The following CAMTA1 variants were observed in gnomAD, a reference collection of about 807,000 sequenced individuals.
CAMTA1 encodes calmodulin-binding transcription activator 1.
In CAMTA1, 27 loss-of-function variants were observed where a neutral mutation model predicts 170.9. The ratio of observed to expected loss-of-function variants is 0.16; its 90% CI spans 0.12 to 0.22. The LOEUF (loss-of-function observed/expected upper bound fraction) is 0.22. CAMTA1 is among the 10% of genes least tolerant of loss of function. CAMTA1 has a pLI of 1.00. For synonymous variants in CAMTA1, 833 were observed against 891.5 expected, an observed-to-expected ratio of 0.93 and a Z score of 1.17; for missense variants, 1,619 against 2,217.2, an observed-to-expected ratio of 0.73 and a Z score of 5.42.
intron 1 of CAMTA1, among the ~76,000 whole-genome samples, chr1:6,790,280 G>C (rs1433354305): frequency 6.6e-6 from 1 of 151,928 alleles, no homozygotes; most frequent in African/African-American, 2.4e-5. Flanking sequence ...CTCAGCAGGA[G>C]TGGGGGTGGT....
At chr1:7,045,507 C>T (rs938170797) in intron 3 of CAMTA1, among the ~76,000 whole-genome samples, 2 of 152,232 alleles carry the variant, frequency 1.3e-5, no homozygotes, top group Non-Finnish European at 2.9e-5. Flanking sequence ...CAACCTCAAA[C>T]TCTTTAAACT....
At position 6,921,135 on chromosome 1, in the gene CAMTA1, C is replaced by T. The variant is rs1203104457; in HGVS notation, c.234+95925C>T. On this transcript the variant is annotated intron_variant, in intron 3 of 22. Coordinates refer to ENST00000303635, the MANE Select transcript of CAMTA1 (RefSeq NM_015215.4). ...TTGAAACTGAATGCCTTTAGCAGCA[C>T]CCAAGTCACATCTTGAATGTTTTAC... Among the ~76,000 whole-genome samples the T allele has an allele frequency of 2.0e-5, 3 of 152,220 alleles. No homozygotes were observed. The East Asian group carries it at 5.8e-4, about 29-fold the overall frequency.
At chr1:6,858,597 T>C (rs925129602) in intron 3 of CAMTA1, among the ~76,000 whole-genome samples, 4 of 152,140 alleles carry the variant, frequency 2.6e-5, no homozygotes, top group African/African-American at 9.7e-5. Flanking sequence ...GCTACTCTTT[T>C]GATCAGTTAA....
intron 6 of CAMTA1, among the ~76,000 whole-genome samples, chr1:7,475,882 G>C (rs2093412629): frequency 6.6e-6 from 1 of 152,248 alleles, no homozygotes; most frequent in Admixed American, 6.5e-5. Context: ...CCTGTCCTGG[G>C]GGAGCCCACA....
intron 3 of CAMTA1, among the ~76,000 whole-genome samples, chr1:6,857,886 G>A (rs1215640589): frequency 6.6e-6 from 1 of 152,198 alleles, no homozygotes; most frequent in African/African-American, 2.4e-5. Flanking sequence ...ACGGCCAGAA[G>A]GATGTAATTT....
At position 6,907,571 on chromosome 1, in the gene CAMTA1, C is replaced by T. The variant is rs1348378403; in HGVS notation, c.234+82361C>T. 2.0e-5 allele frequency among the ~76,000 whole-genome samples: 3 copies of T among 152,152 alleles called. No homozygotes were observed. In the South Asian group the frequency reaches 6.2e-4, roughly 32 times the overall value. On this transcript the variant is annotated intron_variant, in intron 3 of 22. Transcript: ENST00000303635. ...GACCTTCAGTGAGCCAGGCACCGTT[C>T]GGGGCTTCATGGGACTCCTGCTGAA...
rs1049682055 is a variant in CAMTA1 at position 6,986,456 on chromosome 1, A to G, written c.235-104848A>G. On this transcript the variant is annotated intron_variant, in intron 3 of 22. Coordinates refer to ENST00000303635, the MANE Select transcript of CAMTA1 (RefSeq NM_015215.4). ...CAGGATCCAGGTGAACTGACTTTCC[A>G]GGTGCAGAGCCTTGTCCTAGGAGAG... is the stretch of plus-strand genomic sequence containing the variant. 2.6e-5 allele frequency among the ~76,000 whole-genome samples: 4 copies of G among 152,318 alleles called. No homozygotes were observed. The East Asian group carries it at 5.8e-4, about 22-fold the overall frequency.
At chr1:7,049,492 T>A (rs1169210168) in intron 3 of CAMTA1, among the ~76,000 whole-genome samples, 1 of 152,204 alleles carries the variant, frequency 6.6e-6, no homozygotes, top group Non-Finnish European at 1.5e-5. Context: ...AGTCTCGCTC[T>A]GTTGCCCAGG....
chr1:7,547,936 A>G lies in CAMTA1; in HGVS notation c.510+80035A>G, dbSNP rs1328022702. Among the ~76,000 whole-genome samples the G allele has an allele frequency of 6.6e-6, 1 of 152,120 alleles. No homozygotes were observed. The highest frequency in any genetic ancestry group is 2.4e-5 in the African/African-American group (1 of 41,416). ...TATGCTGTTGTAAGGAGGATTCTGA[A>G]GCCATCTCCAGGCTCAGGGGAAACA... On this transcript the variant is annotated intron_variant, in intron 6 of 22. Transcript: ENST00000303635. The surrounding 1 kb of genome is among the most constrained non-coding windows in gnomAD (Gnocchi z 5.7).
At chr1:6,811,411 T>C (rs189638894) in intron 1 of CAMTA1, among the ~76,000 whole-genome samples, 7 of 152,334 alleles carry the variant, frequency 4.6e-5, no homozygotes, top group Admixed American at 2.6e-4. Context: ...ATTTGGGTTT[T>C]TGGAGTAGAG....
intron 11 of CAMTA1, among the ~76,000 whole-genome samples, chr1:7,718,716 C>A (rs566399250): frequency 2.6e-5 from 4 of 152,036 alleles, no homozygotes; most frequent in Admixed American, 2.6e-4. Context: ...TGCTACCATG[C>A]CCAGCTAATT....
chr1:7,516,615 C>T (rs1368690809), intron 6 of CAMTA1, among the ~76,000 whole-genome samples: 2 of 152,188 alleles, frequency 1.3e-5, no homozygotes, highest in African/African-American at 4.8e-5. Flanking sequence ...TTCTTCATTT[C>T]TCCACCCCAA....
Position 7,435,528 on chromosome 1 carries a change from A to G in CAMTA1, c.439-32302A>G, listed in dbSNP as rs1213640232. Among the ~76,000 whole-genome samples, 1 of 152,192 alleles carries G rather than the reference A, an allele frequency of 6.6e-6. No individual in the cohort carries two copies. The highest frequency in any genetic ancestry group is 2.4e-5 in the African/African-American group (1 of 41,466). On this transcript the variant is annotated intron_variant, in intron 5 of 22. Coordinates refer to ENST00000303635, the MANE Select transcript of CAMTA1 (RefSeq NM_015215.4). The surrounding 1 kb of genome is among the most constrained non-coding windows in gnomAD (Gnocchi z 4.4). The stretch of plus-strand genomic sequence containing the variant: ...CCCCTCTGTTACCCTGAAGAGAGCA[A>G]CCGGCAGTGGGCTCTTCAGGGTTCT...
At chr1:7,606,634 C>G (rs964049416) in intron 6 of CAMTA1, among the ~76,000 whole-genome samples, 3 of 152,226 alleles carry the variant, frequency 2.0e-5, no homozygotes, top group African/African-American at 4.8e-5. Flanking sequence ...AAGCACCAGA[C>G]ATGATCTGTG....
chr1:7,663,782 T>A lies in CAMTA1; in HGVS notation c.1235T>A (p.Met412Lys), dbSNP rs772395709. The change falls in exon 9 of 23, where the codon ATG becomes AAG. Residue 412 changes from methionine to lysine, a missense_variant. Met to Lys is a moderately conservative substitution (Grantham distance 95). This residue lies in a region of CAMTA1 where 731 missense variants were observed against 907.6 expected (regional missense o/e 0.81). Transcript: ENST00000303635. ...SEVTNEAVYT[M>K]SPTAGPNHHL... ...GTCACCAATGAGGCCGTGTACACCATGTCCCCCACCGCTGGCCCCAACCAC... is the reference window on the plus strand; with the variant it reads ...GTCACCAATGAGGCCGTGTACACCAAGTCCCCCACCGCTGGCCCCAACCAC... The A allele has an allele frequency of 6.2e-7, 1 of 1,614,130 alleles. No homozygotes were observed. The highest frequency in any genetic ancestry group is 1.1e-5 in the South Asian group (1 of 91,088).
At chr1:7,227,517 C>T (rs1174876379) in intron 4 of CAMTA1, among the ~76,000 whole-genome samples, 2 of 151,942 alleles carry the variant, frequency 1.3e-5, no homozygotes, top group Admixed American at 6.6e-5. Flanking sequence ...TTAGTAGAGA[C>T]GGGGTTTCTC....
intron 3 of CAMTA1, among the ~76,000 whole-genome samples, chr1:6,962,386 TC>T (rs1234856871): frequency 1.1e-4 from 3 of 28,046 alleles, no homozygotes; most frequent in Non-Finnish European, 1.5e-4. Flanking sequence ...TCCCTTCCAC[TC>T]CCCCTCTGGG....
intron 4 of CAMTA1, among the ~76,000 whole-genome samples, chr1:7,228,300 C>A (rs939668633): frequency 6.6e-6 from 1 of 152,196 alleles, no homozygotes; most frequent in African/African-American, 2.4e-5. Flanking sequence ...GTGTTGCGAG[C>A]TCTTCAAGAA....
At chr1:7,049,026 T>C (rs1429589997) in intron 3 of CAMTA1, among the ~76,000 whole-genome samples, 1 of 152,236 alleles carries the variant, frequency 6.6e-6, no homozygotes, top group African/African-American at 2.4e-5. Context: ...CGTGGCTTCA[T>C]TTTAACAAGT....
Sources: allele counts gnomAD v4.1 joint callset (sites outside exome capture counted in the v4.1 genomes callset), GRCh38; gene constraint gnomAD v4.1.1; regional missense constraint gnomAD v4.1.1; non-coding constraint Gnocchi (gnomAD v3.1); transcripts MANE v1.5; gene names NCBI Gene and HGNC (gene_info 2026-07-23, HGNC 2026-07-21).